Variants in LINGO2 observed in about 807,000 individuals in gnomAD.
LINGO2 encodes leucine rich repeat and Ig domain containing 2, also known as leucine-rich repeat and immunoglobulin-like domain-containing nogo receptor-interacting protein 2.
A neutral mutation model predicts 30.6 loss-of-function variants in LINGO2; 14 were observed. The observed-to-expected ratio is 0.46, with a 90% confidence interval of 0.30 to 0.72. The LOEUF is 0.72. Ranked by LOEUF, LINGO2 falls within the 30% of genes least tolerant of loss-of-function variation. The pLI is 0.07. For synonymous variants in LINGO2, 317 were observed against 288.5 expected (o/e 1.10, Z -1.00); for missense variants, 729 against 751.7 (o/e 0.97, Z 0.35).
chr9:28,285,283 G>A (rs1397735064), intron 4 of LINGO2, among the ~76,000 whole-genome samples: 2 of 151,184 alleles, frequency 1.3e-5, no homozygotes, highest in African/African-American at 4.9e-5. Flanking sequence ...ACTTGTCTGA[G>A]TATTTTATAT....
the LINGO2 span, among the ~76,000 whole-genome samples, chr9:28,867,102 G>A: frequency 6.6e-6 from 1 of 152,130 alleles, no homozygotes; most frequent in Non-Finnish European, 1.5e-5. Context: ...CTGCAGAACT[G>A]ACAGAGGAAT....
the LINGO2 span, among the ~76,000 whole-genome samples, chr9:29,009,828 A>C: frequency 6.6e-6 from 1 of 152,198 alleles, no homozygotes; most frequent in Non-Finnish European, 1.5e-5. Context: ...GTACCAAAAC[A>C]GAGATACAGA....
At chr9:28,961,705 G>A in the LINGO2 span, among the ~76,000 whole-genome samples, 1 of 152,102 alleles carries the variant, frequency 6.6e-6, no homozygotes, top group Non-Finnish European at 1.5e-5. Context: ...ATCGTTCAAG[G>A]TGAAAAAATC....
At chr9:28,252,123 C>T (rs2134013246) in intron 4 of LINGO2, among the ~76,000 whole-genome samples, 1 of 152,226 alleles carries the variant, frequency 6.6e-6, no homozygotes, top group East Asian at 1.9e-4. Context: ...CATTTATAGT[C>T]ACATTTCATA....
intron 2 of LINGO2, among the ~76,000 whole-genome samples, chr9:28,438,993 T>G (rs1274122470): frequency 4.8e-5 from 7 of 147,164 alleles, no homozygotes; most frequent in Non-Finnish European, 8.9e-5. Flanking sequence ...ATAGATAATA[T>G]CTATACATTA....
chr9:28,658,644 G>C (rs1361669454), intron 1 of LINGO2, among the ~76,000 whole-genome samples: 1 of 151,998 alleles, frequency 6.6e-6, no homozygotes, highest in Non-Finnish European at 1.5e-5. Context: ...GTCTCTTACA[G>C]AAAGCATATA....
chr9:28,507,244 T>C (rs1587775390), intron 1 of LINGO2, among the ~76,000 whole-genome samples: 2 of 146,098 alleles, frequency 1.4e-5, no homozygotes, highest in East Asian at 2.2e-4. Flanking sequence ...TGTGCGTGCG[T>C]GCGCACATGT....
At chr9:28,101,508 G>A (rs1392639520) in intron 4 of LINGO2, among the ~76,000 whole-genome samples, 5 of 152,178 alleles carry the variant, frequency 3.3e-5, no homozygotes, top group African/African-American at 1.2e-4. Context: ...ATACCTCACA[G>A]TGTGAAGAGT....
chr9:28,005,564 G>A (rs1822223568), intron 5 of LINGO2, among the ~76,000 whole-genome samples: 1 of 151,862 alleles, frequency 6.6e-6, no homozygotes, highest in Admixed American at 6.6e-5. Flanking sequence ...TATTTTTTAA[G>A]TGAGAAGTTC....
At chr9:28,476,226 C>G (rs1324360460) in intron 1 of LINGO2, among the ~76,000 whole-genome samples, 1 of 152,172 alleles carries the variant, frequency 6.6e-6, no homozygotes, top group Admixed American at 6.5e-5. Flanking sequence ...TTATGTTTAT[C>G]TGCAATCCAC....
In LINGO2 at chr9:28,004,876, A is replaced by G. The variant is rs372204680; in HGVS notation, c.-36+7479T>C. 4.3e-4 allele frequency among the ~76,000 whole-genome samples: 66 copies of G among 152,308 alleles called. No homozygotes were observed. In the East Asian group the frequency reaches 0.011, roughly 26 times the overall value. ...CTCTGTTTTGGTAGCAGGTATGTATATAAGAGGAGTTCCTTCCAGAAATGG... is the reference window on the plus strand; with the variant it reads ...CTCTGTTTTGGTAGCAGGTATGTATGTAAGAGGAGTTCCTTCCAGAAATGG... On this transcript the variant is annotated intron_variant, in intron 5 of 5. Transcript: ENST00000379992.
At chr9:28,197,198 A>T in intron 4 of LINGO2, among the ~76,000 whole-genome samples, 1 of 152,168 alleles carries the variant, frequency 6.6e-6, no homozygotes, top group Middle Eastern at 3.4e-3. Context: ...TGTATCCATT[A>T]TAATTAAAAC....
intron 2 of LINGO2, among the ~76,000 whole-genome samples, chr9:28,411,080 C>A (rs981970701): frequency 6.6e-6 from 1 of 151,996 alleles, no homozygotes; most frequent in East Asian, 1.9e-4. Flanking sequence ...TAGAACTTAT[C>A]CTTTTTCCTT....
chr9:28,613,267 T>C (rs948178199), intron 1 of LINGO2, among the ~76,000 whole-genome samples: 2 of 152,060 alleles, frequency 1.3e-5, no homozygotes, highest in African/African-American at 4.8e-5. Context: ...GATAAATATG[T>C]ATCATATATA....
chr9:28,508,245 T>C (rs1820231441), intron 1 of LINGO2, among the ~76,000 whole-genome samples: 1 of 152,132 alleles, frequency 6.6e-6, no homozygotes. Context: ...TCTATTTGTA[T>C]GCCAGAAGAT....
At chr9:28,797,594 T>G in the LINGO2 span, among the ~76,000 whole-genome samples, 1 of 151,940 alleles carries the variant, frequency 6.6e-6, no homozygotes, top group Non-Finnish European at 1.5e-5. Flanking sequence ...TTGCCATTAA[T>G]TAACATATAA....
chr9:28,979,015 C>G, the LINGO2 span, among the ~76,000 whole-genome samples: 1 of 152,008 alleles, frequency 6.6e-6, no homozygotes, highest in South Asian at 2.1e-4. Context: ...CACTAAAAAA[C>G]AGAAACTTCA....
Position 28,549,318 on chromosome 9 carries a change from T to C in LINGO2, c.-364-73293A>G, listed in dbSNP as rs937800013. ...TGTTAATGAACGCAGTTTTAGTTCA[T>C]TAATTTAAAATGCTAAACGGAATTT... On this transcript the variant is annotated intron_variant, in intron 1 of 5. Transcript: ENST00000379992. 5.3e-5 allele frequency among the ~76,000 whole-genome samples: 8 copies of C among 152,252 alleles called. 1 individual carries two copies. The highest frequency in any genetic ancestry group is 3.9e-4 in the Admixed American group (6 of 15,284).
At chr9:28,768,282 CT>C in the LINGO2 span, among the ~76,000 whole-genome samples, 1 of 152,228 alleles carries the variant, frequency 6.6e-6, no homozygotes, top group South Asian at 2.1e-4. Flanking sequence ...GAATTTAAAC[CT>C]TTTACAGGTT....
Sources: gnomAD v4.1 joint callset for allele counts (sites outside exome capture counted in the v4.1 genomes callset) on GRCh38, gnomAD v4.1.1 for gene constraint, MANE v1.5 for transcripts, NCBI Gene and HGNC (gene_info 2026-07-23, HGNC 2026-07-21) for gene names.